Variants in STX18 observed in about 807,000 individuals in gnomAD.
The protein encoded by STX18 is syntaxin 18, also known as syntaxin-18.
Under a neutral mutation model 50.1 loss-of-function variants are expected in STX18, and 40 were observed. The ratio of observed to expected loss-of-function variants is 0.80; its 90% CI spans 0.62 to 1.04. The LOEUF is 1.04. Ranked by LOEUF, STX18 falls within the 50% of genes least tolerant of loss-of-function variation. The probability of loss-of-function intolerance (pLI) is 0.00; values close to 1 mark genes in which losing one functional copy is unlikely to be tolerated. For missense variants in STX18, 410 were observed against 415.8 expected, an observed-to-expected ratio of 0.99 and a Z score of 0.12; for synonymous variants, 158 against 151.8, an observed-to-expected ratio of 1.04 and a Z score of -0.30.
At position 4,432,952 on chromosome 4, in the gene STX18, G is replaced by A. The variant is rs1725586966; in HGVS notation, c.702+1818C>T. ...GCTTACAATGACACTTCGGTGGGCC[G>A]GCGCGGCTGTTCTGACTTCTCTGCC... On this transcript the variant is annotated intron_variant, in intron 7 of 10. Coordinates refer to ENST00000306200, the MANE Select transcript of STX18 (RefSeq NM_016930.4). 3.3e-5 allele frequency among the ~76,000 whole-genome samples: 5 copies of A among 152,188 alleles called. No individual in the cohort carries two copies. In the South Asian group the frequency reaches 8.3e-4, roughly 25 times the overall value.
At chr4:4,492,902 C>T (rs1729004477) in intron 1 of STX18, among the ~76,000 whole-genome samples, 1 of 152,106 alleles carries the variant, frequency 6.6e-6, no homozygotes. Context: ...AATTCAGATT[C>T]TGGGCAAATC....
chr4:4,471,131 A>C (rs1253564106), intron 2 of STX18, among the ~76,000 whole-genome samples: 1 of 152,214 alleles, frequency 6.6e-6, no homozygotes, highest in Non-Finnish European at 1.5e-5. Context: ...GGACAAAAGA[A>C]GAAAATGGCC....
chr4:4,515,637 A>C (rs1170719255), intron 1 of STX18, among the ~76,000 whole-genome samples: 9 of 152,222 alleles, frequency 5.9e-5, no homozygotes, highest in Non-Finnish European at 7.4e-5. Flanking sequence ...ATCTGACAAA[A>C]GAGAGACACA....
At position 4,423,330 on chromosome 4, in the gene STX18, G is replaced by A. The variant is rs565354474; in HGVS notation, c.831+188C>T. ...GTGGGGAGCTCCTCCTCCATCACAC[G>A]TGTGCAGAGGCAGCTCTGGGTAGTG... On this transcript the variant is annotated intron_variant, in intron 9 of 10. Coordinates refer to ENST00000306200, the MANE Select transcript of STX18 (RefSeq NM_016930.4). Among the ~76,000 whole-genome samples, 6 of 152,328 alleles carry A rather than the reference G, an allele frequency of 3.9e-5. No individual in the cohort carries two copies. The South Asian group carries it at 8.3e-4, about 21-fold the overall frequency.
At chr4:4,507,815 T>TAA (rs879049430) in intron 1 of STX18, 2,703 of 218,956 alleles carry the variant, frequency 0.012, 60 homozygotes, top group African/African-American at 0.068. Context: ...ATATTCACAG[T>TAA]AAAAAAAAAA....
intron 8 of STX18, chr4:4,423,853 G>C (rs900856572): frequency 9.9e-6 from 5 of 505,254 alleles, no homozygotes; most frequent in African/African-American, 7.7e-5. Flanking sequence ...CCAAGAGGTG[G>C]GTGTGTGCAG....
chr4:4,499,547 T>C, intron 1 of STX18: 1 of 985,414 alleles, frequency 1.0e-6, no homozygotes, highest in Non-Finnish European at 1.2e-6. Flanking sequence ...AGCCTAGCAC[T>C]GATTAAAGCT....
intron 2 of STX18, among the ~76,000 whole-genome samples, chr4:4,466,163 T>C (rs1277840193): frequency 2.0e-5 from 3 of 152,020 alleles, no homozygotes; most frequent in African/African-American, 7.2e-5. Flanking sequence ...GAGAGATGGC[T>C]TTCAGATAGG....
intron 5 of STX18, among the ~76,000 whole-genome samples, chr4:4,439,335 C>T (rs191024638): frequency 6.7e-6 from 1 of 148,490 alleles, no homozygotes; most frequent in African/African-American, 2.5e-5. Flanking sequence ...ATATACACAC[C>T]CACATACATA....
At chr4:4,518,634 C>T (rs897547359) in intron 1 of STX18, among the ~76,000 whole-genome samples, 3 of 152,128 alleles carry the variant, frequency 2.0e-5, no homozygotes, top group African/African-American at 4.8e-5. Flanking sequence ...AAAAGATATA[C>T]AAGCTATAAA....
intron 1 of STX18, among the ~76,000 whole-genome samples, chr4:4,514,974 A>T (rs1258927065): frequency 6.6e-6 from 1 of 152,164 alleles, no homozygotes; most frequent in East Asian, 1.9e-4. Context: ...GAGGGAAGGA[A>T]ATCATATTAT....
At chr4:4,487,042 G>A (rs1289040363) in intron 1 of STX18, among the ~76,000 whole-genome samples, 2 of 152,104 alleles carry the variant, frequency 1.3e-5, no homozygotes. Flanking sequence ...CTTTCTGCCT[G>A]TCATTTTGAG....
intron 1 of STX18, among the ~76,000 whole-genome samples, chr4:4,535,075 C>A (rs2108929304): frequency 6.6e-6 from 1 of 152,338 alleles, no homozygotes; most frequent in South Asian, 2.1e-4. Context: ...TTTGCTCACA[C>A]CCATCCCTTC....
intron 1 of STX18, among the ~76,000 whole-genome samples, chr4:4,524,118 T>C (rs771363596): frequency 1.3e-5 from 2 of 152,218 alleles, no homozygotes; most frequent in South Asian, 2.1e-4. Flanking sequence ...CCTAACCTAG[T>C]TGTATGCCTG....
intron 1 of STX18, among the ~76,000 whole-genome samples, chr4:4,489,098 AT>A (rs1216330289): frequency 2.0e-5 from 3 of 152,176 alleles, no homozygotes; most frequent in Admixed American, 1.3e-4. Flanking sequence ...ATGAATGTTC[AT>A]TTTATCTCAA....
At chr4:4,481,862 G>A (rs1728479847) in intron 1 of STX18, among the ~76,000 whole-genome samples, 1 of 152,206 alleles carries the variant, frequency 6.6e-6, no homozygotes, top group Admixed American at 6.5e-5. Context: ...CAGGACCACA[G>A]CAGCGAGTTT....
At chr4:4,452,737 T>C (rs895942314) in intron 5 of STX18, among the ~76,000 whole-genome samples, 1 of 152,232 alleles carries the variant, frequency 6.6e-6, no homozygotes, top group Non-Finnish European at 1.5e-5. Flanking sequence ...CTATAGCTGC[T>C]ATAGATAGTG....
chr4:4,462,597 T>C, intron 2 of STX18, among the ~76,000 whole-genome samples: 1 of 151,902 alleles, frequency 6.6e-6, no homozygotes, highest in Non-Finnish European at 1.5e-5. Context: ...TATCATGTCA[T>C]ATGCCTATAG....
intron 1 of STX18, among the ~76,000 whole-genome samples, chr4:4,500,342 T>A (rs1457529653): frequency 6.6e-6 from 1 of 152,230 alleles, no homozygotes; most frequent in East Asian, 1.9e-4. Flanking sequence ...AATATTTTTT[T>A]AAAAAGGATG....
Sources: gnomAD v4.1 joint callset for allele counts (sites outside exome capture counted in the v4.1 genomes callset) on GRCh38, gnomAD v4.1.1 for gene constraint, MANE v1.5 for transcripts, NCBI Gene and HGNC (gene_info 2026-07-23, HGNC 2026-07-21) for gene names.